KCTD9: variants seen among roughly 807,000 people sequenced by gnomAD.
The protein encoded by KCTD9 is BTB/POZ domain-containing protein KCTD9.
KCTD9 carries 17 observed loss-of-function variants against 53.3 expected under a neutral mutation model. The observed-to-expected ratio is 0.32, with a 90% CI of 0.22 to 0.48. KCTD9 has a LOEUF of 0.48. Among genes scored for constraint, KCTD9 ranks in the 20% least tolerant of loss-of-function variants. The probability of loss-of-function intolerance (pLI) is 0.99; values close to 1 mark genes in which losing one functional copy is unlikely to be tolerated. For synonymous variants in KCTD9, 128 were observed against 162.7 expected (o/e 0.79, Z 1.62); for missense variants, 179 against 465.5 (o/e 0.38, Z 5.66).
intron 1 of KCTD9, among the ~76,000 whole-genome samples, chr8:25,457,923 C>A (rs936837434): frequency 2.0e-5 from 3 of 150,794 alleles, no homozygotes; most frequent in Non-Finnish European, 4.4e-5. Flanking sequence ...CGTCCCCGCG[C>A]CCCCCGCACC....
intron 1 of KCTD9, 38 bp downstream of exon 1, chr8:25,458,161 G>GC: frequency 1.1e-5 from 12 of 1,091,406 alleles, no homozygotes; most frequent in Non-Finnish European, 1.5e-5. Flanking sequence ...CCCTCGCCCC[G>GC]ACCCCCGGCC....
chr8:25,438,776 A>G (rs1185322761), intron 6 of KCTD9, among the ~76,000 whole-genome samples: 1 of 152,252 alleles, frequency 6.6e-6, no homozygotes, highest in Non-Finnish European at 1.5e-5. Flanking sequence ...TCATTTTTCC[A>G]ATATGACTCA....
intron 1 of KCTD9, among the ~76,000 whole-genome samples, chr8:25,453,367 A>AG (rs1009242812): frequency 1.3e-5 from 2 of 151,730 alleles, no homozygotes; most frequent in African/African-American, 4.8e-5. Context: ...AAAAAAAAAA[A>AG]GGTGAGGGCC....
At chr8:25,438,531 C>T (rs371767123) in intron 6 of KCTD9, among the ~76,000 whole-genome samples, 3 of 152,204 alleles carry the variant, frequency 2.0e-5, no homozygotes, top group East Asian at 3.9e-4. Flanking sequence ...TGGCACTCTA[C>T]GTCTGACCAC....
Position 25,458,405 on chromosome 8 carries a change from G to A in KCTD9, c.-159C>T, listed in dbSNP as rs868550060. 101 of 784,940 alleles carry A rather than the reference G, an allele frequency of 1.3e-4. No homozygotes were observed. The Middle Eastern group carries it at 2.6e-3, about 20-fold the overall frequency. 48.6% of individuals were successfully genotyped at this position (784,940 alleles called of 1,614,324 possible). On this transcript the variant is annotated 5_prime_UTR_variant, in exon 1 of 12. Transcript: ENST00000221200. ...GGGACACACCACACGCACGCACTCT[G>A]TCCCACACCCAAGGTTCGGCCGGTC...
chr8:25,443,358 T>C (rs1802157035), intron 3 of KCTD9, among the ~76,000 whole-genome samples: 1 of 152,120 alleles, frequency 6.6e-6, no homozygotes, highest in South Asian at 2.1e-4. Flanking sequence ...ACAAGGTTTG[T>C]TAAAAAGACC....
intron 4 of KCTD9, chr8:25,439,884 T>G: frequency 2.3e-6 from 2 of 885,946 alleles, no homozygotes; most frequent in Non-Finnish European, 3.2e-6. Flanking sequence ...TAGTTTCCTT[T>G]GCTTTAAATA....
intron 1 of KCTD9, among the ~76,000 whole-genome samples, chr8:25,449,148 G>C (rs948899900): frequency 6.6e-6 from 1 of 152,294 alleles, no homozygotes; most frequent in East Asian, 1.9e-4. Context: ...ACATGCAAAG[G>C]AGCAAGAGAT....
chr8:25,446,278 A>C, intron 1 of KCTD9, 28 bp from the exon 2 acceptor site: 1 of 1,610,030 alleles, frequency 6.2e-7, no homozygotes, highest in Non-Finnish European at 8.5e-7. Context: ...TAATATGAAC[A>C]ATTTCTTTAA....
chr8:25,454,954 G>T (rs1273777861), intron 1 of KCTD9, among the ~76,000 whole-genome samples: 1 of 152,162 alleles, frequency 6.6e-6, no homozygotes, highest in Non-Finnish European at 1.5e-5. Flanking sequence ...AGCCGGGCAT[G>T]GTGGCTCACG....
intron 11 of KCTD9, among the ~76,000 whole-genome samples, chr8:25,431,784 C>T (rs963049582): frequency 1.3e-5 from 2 of 151,986 alleles, no homozygotes; most frequent in Non-Finnish European, 2.9e-5. Context: ...TATGAAAAAA[C>T]ATTAACAGCA....
At chr8:25,446,302 C>T in intron 1 of KCTD9, 52 bp from the exon 2 acceptor site, 4 of 1,590,776 alleles carry the variant, frequency 2.5e-6, no homozygotes, top group Non-Finnish European at 3.4e-6. Context: ...ATGTTATCCC[C>T]CATAAGTTAT....
chr8:25,451,201 T>C (rs17053694), intron 1 of KCTD9, among the ~76,000 whole-genome samples: 42,793 of 152,122 alleles, frequency 0.28, 6,148 homozygotes, highest in Non-Finnish European at 0.31. Context: ...AAAAACTCTG[T>C]ATTTTAAACT....
rs1334725300 is a variant in KCTD9, at chr8:25,429,714, C to CA, written c.*142dup. 2 of 633,538 alleles carry CA rather than the reference C, an allele frequency of 3.2e-6. No individual in the cohort carries two copies. The highest frequency in any genetic ancestry group is 3.7e-5 in the African/African-American group (2 of 53,800). The allele number at this position is 633,538 out of a possible 1,614,324, so 39.2% of individuals were successfully genotyped here. ...TCAGTTTTTTCCCTTATGCACCACT[C>CA]AAAACAAGCATAATCCTCTAAATGT... On this transcript the variant is annotated 3_prime_UTR_variant, in exon 12 of 12. Coordinates refer to ENST00000221200, the MANE Select transcript of KCTD9 (RefSeq NM_017634.4).
Position 25,435,348 on chromosome 8 carries a change from T to C in KCTD9, c.813+15A>G. The C allele has an allele frequency of 2.6e-6, 4 of 1,547,286 alleles. No individual in the cohort carries two copies. Among genetic ancestry groups the C allele is most frequent in the Non-Finnish European group, 3.5e-6 (4 of 1,147,128 alleles). On this transcript the variant is annotated intron_variant, in intron 9 of 11. Transcript: ENST00000221200. The stretch of plus-strand genomic sequence containing the variant: ...AAACATTTAATTTTCTCTTGTAGCC[T>C]AAAATGATACTTACGTCAAGCACTG...
intron 2 of KCTD9, among the ~76,000 whole-genome samples, 156 bp from the exon 3 acceptor site, chr8:25,444,491 C>G (rs1300273812): frequency 6.6e-6 from 1 of 152,026 alleles, no homozygotes; most frequent in Non-Finnish European, 1.5e-5. Context: ...CTTTGTTTAA[C>G]CCCTTGAACT....
chr8:25,453,294 T>C (rs1266426259), intron 1 of KCTD9, among the ~76,000 whole-genome samples: 2 of 150,576 alleles, frequency 1.3e-5, no homozygotes, highest in Non-Finnish European at 3.0e-5. Context: ...GAGGCAGAGG[T>C]TGCAGTGAGC....
chr8:25,447,231 T>A (rs1802229961), intron 1 of KCTD9, among the ~76,000 whole-genome samples: 2 of 151,922 alleles, frequency 1.3e-5, no homozygotes, highest in African/African-American at 4.8e-5. Context: ...CCATCCCTAC[T>A]AAAATACAAA....
chr8:25,439,414 C>T lies in KCTD9; in HGVS notation c.371-7G>A, dbSNP rs2271112. 589,011 of 1,597,726 alleles carry T rather than the reference C, an allele frequency of 0.37. 110,173 individuals carry two copies. The highest frequency in any genetic ancestry group is 0.51 in the African/African-American group (37,995 of 73,964). ...TGCTTATTTCCCCAGACACCTGTGT[C>T]ACCATTATAATAAAGAAAGTCCCCC... On this transcript the variant is annotated splice_polypyrimidine_tract_variant and splice_region_variant and intron_variant, in intron 5 of 11. Transcript: ENST00000221200.
Sources: gnomAD v4.1 joint callset for allele counts (sites outside exome capture counted in the v4.1 genomes callset) on GRCh38, gnomAD v4.1.1 for gene constraint, MANE v1.5 for transcripts, NCBI Gene and HGNC (gene_info 2026-07-23, HGNC 2026-07-21) for gene names.